Variants in AGFG1 observed in about 807,000 individuals in gnomAD.
AGFG1 encodes the protein arf-GAP domain and FG repeat-containing protein 1.
Under a neutral mutation model 60.6 loss-of-function variants are expected in AGFG1, and 10 were observed. The ratio of observed to expected loss-of-function variants is 0.16; its 90% CI spans 0.10 to 0.28. The LOEUF (loss-of-function observed/expected upper bound fraction) is 0.28, where lower values mean the gene tolerates loss of function less well. AGFG1 is among the 10% of genes least tolerant of loss of function. The probability of loss-of-function intolerance (pLI) is 1.00; values close to 1 mark genes in which losing one functional copy is unlikely to be tolerated. For missense variants in AGFG1, 537 were observed against 676.5 expected (o/e 0.79, Z 2.29); for synonymous variants, 247 against 242.9 (o/e 1.02, Z -0.16).
intron 10 of AGFG1, among the ~76,000 whole-genome samples, chr2:227,537,425 T>C (rs1692345633): frequency 6.6e-6 from 1 of 152,264 alleles, no homozygotes; most frequent in South Asian, 2.1e-4. Flanking sequence ...CAGATGACTT[T>C]ACTACATGAA....
intron 1 of AGFG1, among the ~76,000 whole-genome samples, chr2:227,479,102 G>A (rs1305038252): frequency 3.3e-5 from 5 of 152,200 alleles, no homozygotes; most frequent in African/African-American, 7.2e-5. Context: ...AATGTTCATT[G>A]TGCAGTAGGC....
At chr2:227,545,427 TTTG>T (rs1692614973) in intron 10 of AGFG1, among the ~76,000 whole-genome samples, 1 of 152,208 alleles carries the variant, frequency 6.6e-6, no homozygotes, top group Non-Finnish European at 1.5e-5. Flanking sequence ...CTCGGAGAAG[TTTG>T]TTATTACCGA....
At position 227,557,622 on chromosome 2, in the gene AGFG1, C is replaced by T. The variant is rs1213774372; in HGVS notation, c.*3127C>T. ...TTTATTTAAGTATAACAGTAATAAA[C>T]TAATAACTTGCTAACATAAATACCA... On this transcript the variant is annotated 3_prime_UTR_variant, in exon 13 of 13. Coordinates refer to ENST00000310078, the MANE Select transcript of AGFG1 (RefSeq NM_004504.5). 6.6e-6 allele frequency: 1 copy of T among 152,092 alleles called. No homozygotes were observed. The highest frequency in any genetic ancestry group is 1.9e-4 in the East Asian group (1 of 5,202). 9.4% of individuals were successfully genotyped at this position (152,092 alleles called of 1,614,324 possible). A position where few individuals can be genotyped will look rare whatever the true frequency, so the allele number is the denominator to read the frequency against.
intron 5 of AGFG1, 35 bp downstream of exon 5, chr2:227,524,950 T>A (rs760611956): frequency 2.5e-6 from 4 of 1,610,912 alleles, no homozygotes; most frequent in Admixed American, 3.3e-5. Context: ...TTGCTGGGGA[T>A]GCATATAAAA....
chr2:227,483,015 T>C (rs1690516741), intron 1 of AGFG1, among the ~76,000 whole-genome samples: 1 of 148,976 alleles, frequency 6.7e-6, no homozygotes, highest in South Asian at 2.2e-4. Context: ...ACTGAAGACT[T>C]AAAATGTGTA....
chr2:227,474,133 G>C (rs1374025792), intron 1 of AGFG1, among the ~76,000 whole-genome samples: 1 of 152,154 alleles, frequency 6.6e-6, no homozygotes, highest in African/African-American at 2.4e-5. Context: ...ATATCAAGGA[G>C]GTAGCCTGGT....
At chr2:227,483,113 T>G (rs577411643) in intron 1 of AGFG1, among the ~76,000 whole-genome samples, 1 of 152,186 alleles carries the variant, frequency 6.6e-6, no homozygotes, top group East Asian at 1.9e-4. Context: ...CCAATAGTTA[T>G]GACTAATATG....
At chr2:227,500,937 C>T (rs527529999) in intron 2 of AGFG1, among the ~76,000 whole-genome samples, 7 of 152,062 alleles carry the variant, frequency 4.6e-5, no homozygotes, top group African/African-American at 1.2e-4. Flanking sequence ...GGATTACAGG[C>T]GCTCGCCACC....
intron 2 of AGFG1, among the ~76,000 whole-genome samples, chr2:227,513,505 A>G (rs1691555648): frequency 6.6e-6 from 1 of 152,170 alleles, no homozygotes; most frequent in Non-Finnish European, 1.5e-5. Flanking sequence ...TGAAGTTTCC[A>G]GTTCCTATCA....
At chr2:227,482,668 C>G (rs897935161) in intron 1 of AGFG1, among the ~76,000 whole-genome samples, 11 of 152,124 alleles carry the variant, frequency 7.2e-5, no homozygotes, top group Admixed American at 5.2e-4. Flanking sequence ...ATTAATAAAA[C>G]TAACTAAATA....
At position 227,531,125 on chromosome 2, in the gene AGFG1, T is replaced by G; in HGVS notation, c.729T>G (p.Phe243Leu). Residue 243 changes from phenylalanine (F) to leucine (L), a missense_variant, in exon 6 of 13, where the codon TTT (phenylalanine) becomes TTG (leucine). Transcript: ENST00000310078. ...CTGCAAATGCAGATTTTGCAAACTT[T>G]GATGCATTTGGACAGTCTAGTGGTT... is the stretch of plus-strand genomic sequence containing the variant. ...QNSANADFAN[F>L]DAFGQSSGSS... The G allele has an allele frequency of 6.2e-7, 1 of 1,613,360 alleles. No homozygotes were observed. Among genetic ancestry groups the G allele is most frequent in the Non-Finnish European group, 8.5e-7 (1 of 1,179,516 alleles).
At chr2:227,534,736 T>G (rs1339591573) in intron 7 of AGFG1, 109 bp from the exon 8 acceptor site, 7 of 1,167,038 alleles carry the variant, frequency 6.0e-6, no homozygotes, top group Non-Finnish European at 8.6e-6. Flanking sequence ...GGAATCCTGC[T>G]TAACTCTAAA....
intron 1 of AGFG1, among the ~76,000 whole-genome samples, chr2:227,485,403 A>AT (rs10718894): frequency 0.014 from 1,846 of 135,414 alleles, 40 homozygotes; most frequent in African/African-American, 0.045. Flanking sequence ...TGCCCAGCTA[A>AT]TTTTTTTTTT....
intron 1 of AGFG1, among the ~76,000 whole-genome samples, chr2:227,473,780 T>C (rs1690197474): frequency 2.0e-5 from 3 of 152,228 alleles, no homozygotes; most frequent in African/African-American, 7.2e-5. Context: ...ATGCAGAACA[T>C]GTCTAGTATG....
Position 227,511,755 on chromosome 2 carries a change from T to C in AGFG1, c.262-8193T>C, listed in dbSNP as rs368406365. 9.2e-5 allele frequency among the ~76,000 whole-genome samples: 14 copies of C among 152,282 alleles called. No individual in the cohort carries two copies. In the East Asian group the frequency reaches 1.2e-3, roughly 13 times the overall value. ...GTGTGTCAGGTACCAAGCATACAAATAGTGTTGAATCAGAGAGGAGGTTCC... is the reference window on the plus strand; with the variant it reads ...GTGTGTCAGGTACCAAGCATACAAACAGTGTTGAATCAGAGAGGAGGTTCC... On this transcript the variant is annotated intron_variant, in intron 2 of 12. Transcript: ENST00000310078.
chr2:227,500,398 A>G (rs1424905966), intron 2 of AGFG1, among the ~76,000 whole-genome samples: 2 of 152,128 alleles, frequency 1.3e-5, no homozygotes, highest in African/African-American at 4.8e-5. Context: ...ATAGTGTCAT[A>G]GGTCTTATGG....
intron 4 of AGFG1, 91 bp downstream of exon 4, chr2:227,524,016 C>G: frequency 8.1e-7 from 1 of 1,229,852 alleles, no homozygotes; most frequent in Non-Finnish European, 1.1e-6. Context: ...GCAGCATAAT[C>G]TTGTATGCCA....
chr2:227,504,479 C>G (rs1691254146), intron 2 of AGFG1, among the ~76,000 whole-genome samples: 1 of 152,222 alleles, frequency 6.6e-6, no homozygotes, highest in African/African-American at 2.4e-5. Context: ...GGGCTTGAGC[C>G]ACTGTGCCCA....
At position 227,534,924 on chromosome 2, in the gene AGFG1, T is replaced by G; in HGVS notation, c.1104T>G (p.Ser368Arg). 6.2e-7 allele frequency: 1 copy of G among 1,613,802 alleles called. No individual in the cohort carries two copies. Among genetic ancestry groups the G allele is most frequent in the Non-Finnish European group, 8.5e-7 (1 of 1,179,724 alleles). The change falls in exon 8 of 13, where the codon AGT becomes AGG. Residue 368 changes from serine to arginine, a missense_variant. This residue lies in a region of AGFG1 where 287 missense variants were observed against 343.6 expected (regional missense o/e 0.84). Transcript: ENST00000310078. ...GSVVSVPSQS[S>R]ASSDKYAALA... ...TGGTTTCAGTTCCCAGTCAGTCAAG[T>G]GCATCTTCAGACAAGTATGCAGCTC...
Sources: gnomAD v4.1 joint callset for allele counts (sites outside exome capture counted in the v4.1 genomes callset) on GRCh38, gnomAD v4.1.1 for gene constraint, gnomAD v4.1.1 regional missense constraint, MANE v1.5 for transcripts, NCBI Gene and HGNC (gene_info 2026-07-23, HGNC 2026-07-21) for gene names.